The following KMT2C variants were observed in gnomAD, a reference collection of about 807,000 sequenced individuals.
The protein encoded by KMT2C is lysine methyltransferase 2C.
In KMT2C, 88 loss-of-function variants were observed where a neutral mutation model predicts 507.9. The ratio of observed to expected loss-of-function variants is 0.17; its 90% CI spans 0.15 to 0.21. The LOEUF (loss-of-function observed/expected upper bound fraction) is 0.21, where lower values mean the gene tolerates loss of function less well. KMT2C is among the 10% of genes least tolerant of loss of function. The pLI is 1.00. For synonymous variants in KMT2C, 2,049 were observed against 2,080.8 expected (o/e 0.98, Z 0.42); for missense variants, 4,954 against 5,957.8 (o/e 0.83, Z 5.55).
At chr7:152,143,361 G>C (rs544311278) in intron 55 of KMT2C, among the ~76,000 whole-genome samples, 3 of 152,330 alleles carry the variant, frequency 2.0e-5, no homozygotes, top group African/African-American at 7.2e-5. Context: ...GTCTCAGAAA[G>C]AACAGAGAGA....
At chr7:152,193,430 T>C (rs910995627) in intron 31 of KMT2C, among the ~76,000 whole-genome samples, 2 of 152,152 alleles carry the variant, frequency 1.3e-5, no homozygotes, top group Admixed American at 6.5e-5. Flanking sequence ...GAAAGGTCAC[T>C]GATTTACTAT....
rs1172034628 is a variant in KMT2C, at chr7:152,330,727, T to C, written c.263A>G (p.Gln88Arg). 1.2e-6 allele frequency: 2 copies of C among 1,613,918 alleles called. No homozygotes were observed. The highest frequency in any genetic ancestry group is 8.5e-7 in the Non-Finnish European group (1 of 1,179,940). ...TGCTTCAGCATCCTCTTCTGCAGAT[T>C]GTTCTTTGATTTCTGCTTAACAGTA... ...ETIVETEIKE[Q>R]SAEEDAEAEV... Residue 88 changes from glutamine (Q) to arginine (R), a missense_variant, in exon 3 of 59, where the codon CAA (glutamine) becomes CGA (arginine). Around this residue, in one of 29 missense-constraint regions of KMT2C, gnomAD observed 233 missense variants for 263.6 expected, o/e 0.88. Transcript: ENST00000262189.
rs555443889 is a variant in KMT2C at position 152,435,983 on chromosome 7, A to C, written c.-197T>G. ...GCGAGCAGGACACGCACTCACACAC[A>C]TCGGCGCGGGCGCGCGCACCTCCGC... On this transcript the variant is annotated 5_prime_UTR_variant, in exon 1 of 59. The change abolishes an upstream ATG in the 5' untranslated region. Transcript: ENST00000262189. 10 of 298,966 alleles carry C rather than the reference A, an allele frequency of 3.3e-5. No homozygotes were observed. The highest frequency in any genetic ancestry group is 1.6e-4 in the South Asian group (1 of 6,402). The allele number at this position is 298,966 out of a possible 1,614,324, so 18.5% of individuals were successfully genotyped here. A position where few individuals can be genotyped will look rare whatever the true frequency, so the allele number is the denominator to read the frequency against.
intron 14 of KMT2C, among the ~76,000 whole-genome samples, chr7:152,243,599 T>C (rs1228177219): frequency 6.6e-6 from 1 of 152,060 alleles, no homozygotes; most frequent in East Asian, 1.9e-4. Context: ...CTAACCAATA[T>C]GGCGAAACAC....
chr7:152,175,168 C>CA (rs2093144110), intron 38 of KMT2C, among the ~76,000 whole-genome samples: 1 of 142,314 alleles, frequency 7.0e-6, no homozygotes, highest in South Asian at 2.2e-4. Context: ...TTTTTTGAGA[C>CA]AGAGTCTCAC....
rs866064060 is a variant in KMT2C at position 152,344,638 on chromosome 7, G to A, written c.251-13899C>T. 1.9e-4 allele frequency among the ~76,000 whole-genome samples: 29 copies of A among 151,624 alleles called. No individual in the cohort carries two copies. The Middle Eastern group carries it at 0.014, about 71-fold the overall frequency. On this transcript the variant is annotated intron_variant, in intron 2 of 58. Coordinates refer to ENST00000262189, the MANE Select transcript of KMT2C (RefSeq NM_170606.3). ...AGGCAACAACTCAAAAAAAAAAAGAGAGAACTGTGCTAAGAAAGAAGAGAA... is the reference window on the plus strand; with the variant it reads ...AGGCAACAACTCAAAAAAAAAAAGAAAGAACTGTGCTAAGAAAGAAGAGAA...
intron 23 of KMT2C, among the ~76,000 whole-genome samples, chr7:152,208,547 G>A (rs1219750194): frequency 6.6e-6 from 1 of 152,122 alleles, no homozygotes; most frequent in Non-Finnish European, 1.5e-5. Context: ...CCTAATACAT[G>A]TTCAATAAAT....
At chr7:152,282,752 T>G (rs1181203631) in intron 6 of KMT2C, among the ~76,000 whole-genome samples, 1 of 152,036 alleles carries the variant, frequency 6.6e-6, no homozygotes, top group Non-Finnish European at 1.5e-5. Context: ...CTGATGTGAT[T>G]TTAGTATATA....
At chr7:152,378,991 T>C (rs1479849256) in intron 1 of KMT2C, among the ~76,000 whole-genome samples, 1 of 152,096 alleles carries the variant, frequency 6.6e-6, no homozygotes, top group African/African-American at 2.4e-5. Flanking sequence ...TTCAAAAAAC[T>C]TCCCCCGCAC....
At chr7:152,390,455 C>T (rs112427546) in intron 1 of KMT2C, among the ~76,000 whole-genome samples, 857 of 136,064 alleles carry the variant, frequency 6.3e-3, no homozygotes, top group South Asian at 0.036. Flanking sequence ...GTAATAGCTA[C>T]GAAGTATACA....
intron 1 of KMT2C, among the ~76,000 whole-genome samples, chr7:152,366,319 A>G (rs1036081196): frequency 3.2e-4 from 49 of 152,242 alleles, no homozygotes; most frequent in African/African-American, 1.1e-3. Context: ...ATTATTCACA[A>G]TAAATAAAAC....
At chr7:152,397,367 T>G (rs1306248514) in intron 1 of KMT2C, among the ~76,000 whole-genome samples, 1 of 152,090 alleles carries the variant, frequency 6.6e-6, no homozygotes, top group African/African-American at 2.4e-5. Context: ...CTGCCATCAC[T>G]CTACTCTAAG....
intron 1 of KMT2C, among the ~76,000 whole-genome samples, chr7:152,422,265 G>A (rs1387327752): frequency 6.1e-5 from 9 of 148,072 alleles, no homozygotes; most frequent in African/African-American, 1.5e-4. Context: ...TGGCCAACAC[G>A]GCAAAACCCA....
In KMT2C at chr7:152,169,190, A is replaced by G. The variant is rs754303791; in HGVS notation, c.9513T>C (p.Phe3171=). 1.3e-6 allele frequency: 2 copies of G among 1,581,080 alleles called. No individual in the cohort carries two copies. Among genetic ancestry groups the G allele is most frequent in the Non-Finnish European group, 8.7e-7 (1 of 1,149,956 alleles). The change falls in exon 41 of 59, where the codon TTT becomes TTC. Residue 3171 remains phenylalanine (F), a synonymous_variant. Transcript: ENST00000262189. The part of the protein sequence containing the change: ...RPNPPNFGPG[F]VNDSQRKQYE... ...ACTTATTAGATTTATACTTACTGACAAAGCCTGGACCAAAATTTGGAGGAT... is the reference window on the plus strand; with the variant it reads ...ACTTATTAGATTTATACTTACTGACGAAGCCTGGACCAAAATTTGGAGGAT...
intron 13 of KMT2C, 106 bp downstream of exon 13, chr7:152,249,770 T>G (rs77518209): frequency 9.1e-5 from 39 of 426,574 alleles, no homozygotes; most frequent in Admixed American, 5.4e-4. Context: ...ACTAAAAGAT[T>G]TAGTTACCGT....
At chr7:152,234,395 A>G (rs1302602429) in intron 16 of KMT2C, among the ~76,000 whole-genome samples, 10 of 149,386 alleles carry the variant, frequency 6.7e-5, no homozygotes. Context: ...AAGAAAGAAG[A>G]AAAAAAAAAG....
chr7:152,426,856 T>C (rs1297893855), intron 1 of KMT2C, among the ~76,000 whole-genome samples: 1 of 152,204 alleles, frequency 6.6e-6, no homozygotes, highest in Non-Finnish European at 1.5e-5. Flanking sequence ...AACCTAGACT[T>C]GAATCCAGAA....
chr7:152,361,138 G>A (rs1285985339), intron 1 of KMT2C, among the ~76,000 whole-genome samples: 1 of 152,134 alleles, frequency 6.6e-6, no homozygotes, highest in Non-Finnish European at 1.5e-5. Flanking sequence ...AAAGGGGAAA[G>A]AAGGCAGAAC....
chr7:152,141,756 T>C (rs955868314), intron 55 of KMT2C, among the ~76,000 whole-genome samples: 7 of 148,604 alleles, frequency 4.7e-5, no homozygotes, highest in African/African-American at 1.7e-4. Context: ...CGGGGGCTCA[T>C]GCCTGTAATC....
Sources: allele counts gnomAD v4.1 joint callset (sites outside exome capture counted in the v4.1 genomes callset), GRCh38; gene constraint gnomAD v4.1.1; regional missense constraint gnomAD v4.1.1; transcripts MANE v1.5; gene names NCBI Gene and HGNC (gene_info 2026-07-23, HGNC 2026-07-21).